Variants in ERBB3 observed in about 807,000 individuals in gnomAD.
The protein encoded by ERBB3 is receptor tyrosine-protein kinase erbB-3.
A neutral mutation model predicts 156.7 loss-of-function variants in ERBB3; 96 were observed. The ratio of observed to expected loss-of-function variants is 0.61; its 90% confidence interval spans 0.52 to 0.73. The LOEUF (loss-of-function observed/expected upper bound fraction) is 0.73, where lower values mean the gene tolerates loss of function less well. Among genes scored for constraint, ERBB3 ranks in the 30% least tolerant of loss-of-function variants. The pLI is 0.00. For synonymous variants in ERBB3, 567 were observed against 632.0 expected (o/e 0.90, Z 1.54); for missense variants, 1,406 against 1,709.4 (o/e 0.82, Z 3.13).
chr12:56,099,318 T>TA (rs1317603618), intron 23 of ERBB3, among the ~76,000 whole-genome samples: 2 of 151,744 alleles, frequency 1.3e-5, no homozygotes, highest in Non-Finnish European at 2.9e-5. Flanking sequence ...CTTTTTTTTT[T>TA]ATGGAGTCTC....
intron 4 of ERBB3, 103 bp from the exon 5 acceptor site, chr12:56,087,474 T>A: frequency 9.8e-7 from 1 of 1,018,470 alleles, no homozygotes; most frequent in Non-Finnish European, 1.6e-6. Flanking sequence ...GGCTTTTTGC[T>A]TCCCGGGATT....
intron 9 of ERBB3, 196 bp downstream of exon 9, chr12:56,089,064 A>T (rs767623719): frequency 1.4e-6 from 1 of 701,900 alleles, no homozygotes. Context: ...ATCTTTGAGC[A>T]ATTCAATATC....
chr12:56,101,671 T>C lies in ERBB3; in HGVS notation c.3645T>C (p.Ser1215=). 6.2e-7 allele frequency: 1 copy of C among 1,614,000 alleles called. No individual in the cohort carries two copies. Among genetic ancestry groups the C allele is most frequent in the Non-Finnish European group, 8.5e-7 (1 of 1,179,994 alleles). ...GTCCACCTCATCCCCCTAGGCCAAG[T>C]TCCCTTGAGGAGCTGGGTTATGAGT... ...RHSPPHPPRP[S]SLEELGYEYM... is the part of the protein sequence containing the mutation. Residue 1215 remains serine (S), a synonymous_variant, in exon 28 of 28, where the codon AGT becomes AGC. Transcript: ENST00000267101.
rs112578440 is a variant in ERBB3 at position 56,086,982 on chromosome 12, A to T, written c.547+326A>T. ...CATAGCAAAAAATCTACAAAAAATT[A>T]AAAAAATCAGACAGGCGTAGTGGCT... On this transcript the variant is annotated intron_variant, in intron 4 of 27. Transcript: ENST00000267101. 7.2e-3 allele frequency among the ~76,000 whole-genome samples: 1,090 copies of T among 152,008 alleles called. 16 individuals carry two copies. The highest frequency in any genetic ancestry group is 0.025 in the African/African-American group (1,031 of 41,454).
At chr12:56,094,054 C>T in intron 13 of ERBB3, 45 bp from the exon 14 acceptor site, 1 of 1,576,660 alleles carries the variant, frequency 6.3e-7, no homozygotes, top group Non-Finnish European at 8.7e-7. Context: ...GCATGAAGGT[C>T]AGGACTTGGA....
intron 11 of ERBB3, 39 bp downstream of exon 11, chr12:56,093,115 A>T: frequency 6.8e-7 from 1 of 1,465,096 alleles, no homozygotes; most frequent in Non-Finnish European, 9.6e-7. Flanking sequence ...TCTTCAGGCA[A>T]TGAAGCCTGT....
rs771534313 is a variant in ERBB3, at chr12:56,088,636, G to A, written c.968G>A (p.Cys323Tyr). 5 of 1,613,830 alleles carry A rather than the reference G, an allele frequency of 3.1e-6. No individual in the cohort carries two copies. The East Asian group carries it at 6.7e-5, about 22-fold the overall frequency. ...AATGGGCTCAAGATGTGTGAGCCTT[G>A]TGGGGGACTATGTCCCAAAGGTGGG... is the stretch of plus-strand genomic sequence containing the variant. Reference protein sequence around the residue: ...DKNGLKMCEPCGGLCPKACEG... With the variant: ...DKNGLKMCEPYGGLCPKACEG... Residue 323 changes from cysteine to tyrosine, a missense_variant, in exon 8 of 28, where the codon TGT (cysteine) becomes TAT (tyrosine). Cys to Tyr is a radical substitution (Grantham distance 194). Coordinates refer to ENST00000267101, the MANE Select transcript of ERBB3 (RefSeq NM_001982.4).
At position 56,102,067 on chromosome 12, in the gene ERBB3, T is replaced by A. The variant is rs753461903; in HGVS notation, c.*12T>A. 3 of 1,604,266 alleles carry A rather than the reference T, an allele frequency of 1.9e-6. No homozygotes were observed. The highest frequency in any genetic ancestry group is 2.5e-6 in the Non-Finnish European group (3 of 1,179,480). ...CCCAGAGAACGTAACTCCTGCTCCC[T>A]GTGGCACTCAGGGAGCATTTAATGG... is the stretch of plus-strand genomic sequence containing the variant. On this transcript the variant is annotated 3_prime_UTR_variant, in exon 28 of 28. Transcript: ENST00000267101.
In ERBB3 at chr12:56,102,133, C is replaced by A; in HGVS notation, c.*78C>A. 7.8e-7 allele frequency: 1 copy of A among 1,284,238 alleles called. No homozygotes were observed. The highest frequency in any genetic ancestry group is 1.1e-6 in the Non-Finnish European group (1 of 893,276). The allele number at this position is 1,284,238 out of a possible 1,614,324, so 79.6% of individuals were successfully genotyped here. A position where few individuals can be genotyped will look rare whatever the true frequency, so the allele number is the denominator to read the frequency against. On this transcript the variant is annotated 3_prime_UTR_variant, in exon 28 of 28. Transcript: ENST00000267101. ...GAGGGTACCGTCTTCTCCCTATTCC[C>A]TCTCTCTCCCAGGTCCCAGCCCCTT...
At chr12:56,089,677 G>A (rs372787253) in intron 9 of ERBB3, among the ~76,000 whole-genome samples, 179 of 151,536 alleles carry the variant, frequency 1.2e-3, no homozygotes, top group African/African-American at 4.2e-3. Context: ...CCCAGGAGGC[G>A]GAAATTGCAG....
rs763808045 is a variant in ERBB3 at position 56,101,238 on chromosome 12, C to G, written c.3379C>G (p.Arg1127Gly). The change falls in exon 27 of 28, where the codon CGC becomes GGC. Residue 1127 changes from arginine to glycine, a missense_variant. This residue lies in a region of ERBB3 where 415 missense variants were observed against 454.1 expected (regional missense o/e 0.91). Coordinates refer to ENST00000267101, the MANE Select transcript of ERBB3 (RefSeq NM_001982.4). ...GAGCAGGAGCCGGAGCCCACGGCCA[C>G]GCGGAGATAGCGCCTACCATTCCCA... ...SRSRSRSPRPRGDSAYHSQRH... is the reference protein window; with the variant it reads ...SRSRSRSPRPGGDSAYHSQRH... The G allele has an allele frequency of 6.2e-7, 1 of 1,614,060 alleles. No individual in the cohort carries two copies. The highest frequency in any genetic ancestry group is 8.5e-7 in the Non-Finnish European group (1 of 1,179,990).
In ERBB3 at chr12:56,086,655, C is replaced by T; in HGVS notation, c.546C>T (p.Ser182=). The T allele has an allele frequency of 6.2e-7, 1 of 1,613,996 alleles. No individual in the cohort carries two copies. Among genetic ancestry groups the T allele is most frequent in the Middle Eastern group, 1.7e-4 (1 of 6,058 alleles). The change falls in exon 4 of 28, where the codon AGC becomes AGT. Residue 182 remains serine, a splice_region_variant and synonymous_variant. Transcript: ENST00000267101. ...AEIVVKDNGR[S]CPPCHEVCKG... is the part of the protein sequence containing the mutation. ...TAGTGGTGAAGGACAATGGCAGAAGCTGTAAGTGGCCGTGATCAAGATTGC... is the reference window on the plus strand; with the variant it reads ...TAGTGGTGAAGGACAATGGCAGAAGTTGTAAGTGGCCGTGATCAAGATTGC...
chr12:56,081,905 C>G (rs1868358349), intron 1 of ERBB3, among the ~76,000 whole-genome samples: 1 of 152,104 alleles, frequency 6.6e-6, no homozygotes, highest in Non-Finnish European at 1.5e-5. Context: ...GCTCCCGGTT[C>G]CTGGGTACAG....
At position 56,093,031 on chromosome 12, in the gene ERBB3, G is replaced by A; in HGVS notation, c.1229G>A (p.Ser410Asn). ...QSWPPHMHNF[S>N]VFSNLTTIGG... ...TGGCCGCCCCACATGCACAACTTCA[G>A]TGTTTTTTCCAATTTGACAACCATT... Residue 410 changes from serine to asparagine, a missense_variant, in exon 11 of 28, where the codon AGT becomes AAT. Physicochemically the swap from Ser to Asn is conservative, Grantham distance 46. Transcript: ENST00000267101. 1 of 1,614,208 alleles carries A rather than the reference G, an allele frequency of 6.2e-7. No homozygotes were observed. The highest frequency in any genetic ancestry group is 8.5e-7 in the Non-Finnish European group (1 of 1,180,034).
In ERBB3 at chr12:56,097,926, T is replaced by C. The variant is rs749255674; in HGVS notation, c.2602T>C (p.Tyr868His). 11 of 1,613,122 alleles carry C rather than the reference T, an allele frequency of 6.8e-6. No individual in the cohort carries two copies. In the Admixed American group the frequency reaches 1.7e-4, roughly 24 times the overall value. The stretch of plus-strand genomic sequence containing the variant: ...GCCTCCTGATGATAAGCAGCTGCTA[T>C]ACAGTGAGGCCAAGGTGAGGAGACA... ...LLPPDDKQLL[Y>H]SEAKTPIKWM... The change falls in exon 21 of 28, where the codon TAC becomes CAC. Residue 868 changes from tyrosine (Y) to histidine (H), a missense_variant. Around this residue, in one of 3 missense-constraint regions of ERBB3, gnomAD observed 979 missense variants for 1,219.6 expected, o/e 0.80. Transcript: ENST00000267101.
At chr12:56,089,009 AT>A in intron 9 of ERBB3, 141 bp downstream of exon 9, 1 of 1,114,936 alleles carries the variant, frequency 9.0e-7, no homozygotes, top group Non-Finnish European at 1.4e-6. Flanking sequence ...ACCTGAAAGA[AT>A]GCTTAACACA....
At position 56,096,632 on chromosome 12, in the gene ERBB3, C is replaced by A. The variant is rs1347940720; in HGVS notation, c.2175+10C>A. On this transcript the variant is annotated intron_variant, in intron 18 of 27. Transcript: ENST00000267101. ...TGGAACTGTGCACAAAGTGAGTGAC[C>A]CATAGGAATTCTGGAGAGGTGGGGA... The A allele has an allele frequency of 6.2e-7, 1 of 1,614,044 alleles. No homozygotes were observed. The highest frequency in any genetic ancestry group is 8.5e-7 in the Non-Finnish European group (1 of 1,180,006).
intron 9 of ERBB3, among the ~76,000 whole-genome samples, chr12:56,089,683 T>C (rs148289233): frequency 1.3e-5 from 2 of 150,954 alleles, no homozygotes; most frequent in Admixed American, 1.3e-4. Flanking sequence ...AGGCGGAAAT[T>C]GCAGTGAACC....
intron 1 of ERBB3, among the ~76,000 whole-genome samples, chr12:56,081,909 G>A (rs549551729): frequency 4.6e-5 from 7 of 152,162 alleles, no homozygotes; most frequent in South Asian, 2.1e-4. Context: ...CCGGTTCCTG[G>A]GTACAGCAGG....
Sources: allele counts gnomAD v4.1 joint callset (sites outside exome capture counted in the v4.1 genomes callset), GRCh38; gene constraint gnomAD v4.1.1; regional missense constraint gnomAD v4.1.1; transcripts MANE v1.5; gene names NCBI Gene and HGNC (gene_info 2026-07-23, HGNC 2026-07-21).